Variants in GABRP observed in about 807,000 individuals in gnomAD.
GABRP encodes gamma-aminobutyric acid receptor subunit pi.
In GABRP, 52 loss-of-function variants were observed where a neutral mutation model predicts 47.8. The ratio of observed to expected loss-of-function variants is 1.09; its 90% CI spans 0.87 to 1.37. The LOEUF (loss-of-function observed/expected upper bound fraction) is 1.37, where lower values mean the gene tolerates loss of function less well. GABRP is among the 40% of genes most tolerant of loss of function. The pLI, the probability that GABRP is intolerant of heterozygous loss-of-function variation, is 0.00. For missense variants in GABRP, 525 were observed against 542.8 expected (o/e 0.97, Z 0.33); for synonymous variants, 221 against 205.8 (o/e 1.07, Z -0.63).
intron 3 of GABRP, among the ~76,000 whole-genome samples, chr5:170,791,113 C>T (rs771467671): frequency 4.6e-5 from 7 of 152,208 alleles, no homozygotes; most frequent in South Asian, 2.1e-4. Flanking sequence ...AGTCAGAATA[C>T]ACTCCTTCTT....
At chr5:170,790,665 T>C (rs1203914960) in intron 3 of GABRP, among the ~76,000 whole-genome samples, 1 of 151,990 alleles carries the variant, frequency 6.6e-6, no homozygotes, top group African/African-American at 2.4e-5. Flanking sequence ...TGGAAGCATC[T>C]TAGATGGAAG....
At chr5:170,797,423 A>G (rs370732289) in intron 5 of GABRP, 43 bp from the exon 6 acceptor site, 319 of 1,241,770 alleles carry the variant, frequency 2.6e-4, no homozygotes, top group Non-Finnish European at 2.9e-4. Context: ...ACTTTCTATA[A>G]CTTCCTCACA....
intron 8 of GABRP, 144 bp downstream of exon 8, chr5:170,808,896 G>A (rs1182634153): frequency 1.4e-6 from 1 of 711,554 alleles, no homozygotes; most frequent in African/African-American, 1.8e-5. Flanking sequence ...GAAAGAAAGA[G>A]AGAGACAGAA....
chr5:170,809,675 T>A lies in GABRP; in HGVS notation c.940T>A (p.Phe314Ile). Residue 314 changes from phenylalanine to isoleucine, a missense_variant, in exon 9 of 10, where the codon TTT becomes ATT. Transcript: ENST00000265294. ...KAIDVYLGIC[F>I]SFVFGALLEY... Reference sequence around the variant, plus strand: ...CATCGATGTGTACCTGGGGATCTGCTTTAGCTTTGTGTTTGGGGCCTTGCT... The same window carrying A: ...CATCGATGTGTACCTGGGGATCTGCATTAGCTTTGTGTTTGGGGCCTTGCT... 6.2e-7 allele frequency: 1 copy of A among 1,613,972 alleles called. No homozygotes were observed. The highest frequency in any genetic ancestry group is 8.5e-7 in the Non-Finnish European group (1 of 1,179,912).
chr5:170,809,051 C>T (rs547480072), intron 8 of GABRP, among the ~76,000 whole-genome samples: 35 of 152,234 alleles, frequency 2.3e-4, no homozygotes, highest in Non-Finnish European at 3.8e-4. Context: ...ACTCTCCTGC[C>T]TTATCATCCC....
chr5:170,804,978 T>C (rs568762692), intron 6 of GABRP, among the ~76,000 whole-genome samples: 18 of 63,012 alleles, frequency 2.9e-4, no homozygotes, highest in African/African-American at 6.7e-4. Flanking sequence ...TTATATATTA[T>C]ATATTATATT....
chr5:170,810,882 G>T (rs2127267721), intron 9 of GABRP, among the ~76,000 whole-genome samples: 1 of 151,854 alleles, frequency 6.6e-6, no homozygotes, highest in Non-Finnish European at 1.5e-5. Context: ...TATTTATTTT[G>T]CTCCCTTAGG....
chr5:170,803,226 C>G (rs1268467606), intron 6 of GABRP, among the ~76,000 whole-genome samples: 1 of 152,274 alleles, frequency 6.6e-6, no homozygotes, highest in South Asian at 2.1e-4. Flanking sequence ...GCGAGATAAC[C>G]CTTGCTAGAC....
intron 9 of GABRP, chr5:170,810,150 T>C (rs2127267251): frequency 6.4e-6 from 3 of 467,814 alleles, no homozygotes; most frequent in Non-Finnish European, 1.1e-5. Context: ...ATTATACAAG[T>C]AATGCTTTAC....
chr5:170,793,171 C>T (rs539786987), intron 3 of GABRP, among the ~76,000 whole-genome samples: 4 of 152,326 alleles, frequency 2.6e-5, no homozygotes, highest in African/African-American at 7.2e-5. Context: ...CGTCTAATCT[C>T]ATTTAGCCCT....
Position 170,808,692 on chromosome 5 carries a change from G to T in GABRP, c.772G>T (p.Val258Leu), listed in dbSNP as rs1409826344. The change falls in exon 8 of 10, where the codon GTG (valine) becomes TTG (leucine). Residue 258 changes from valine (V) to leucine (L), a missense_variant. Physicochemically the swap from Val to Leu is conservative, Grantham distance 32 (BLOSUM62 1). Transcript: ENST00000265294. ...ETYVPSTFLV[V>L]LSWVSFWISL... is the part of the protein sequence containing the mutation. Reference sequence around the variant, plus strand: ...CTACGTTCCTTCCACTTTCCTGGTGGTGTTGTCCTGGGTTTCATTTTGGAT... The same window carrying T: ...CTACGTTCCTTCCACTTTCCTGGTGTTGTTGTCCTGGGTTTCATTTTGGAT... 1 of 1,614,126 alleles carries T rather than the reference G, an allele frequency of 6.2e-7. No homozygotes were observed. Among genetic ancestry groups the T allele is most frequent in the Non-Finnish European group, 8.5e-7 (1 of 1,179,994 alleles).
intron 3 of GABRP, among the ~76,000 whole-genome samples, chr5:170,790,400 AGT>A (rs1765234210): frequency 6.6e-6 from 1 of 151,952 alleles, no homozygotes; most frequent in Admixed American, 6.6e-5. Flanking sequence ...CCATCAACAG[AGT>A]GTGGGTTATT....
In GABRP at chr5:170,795,401, A is replaced by G; in HGVS notation, c.434A>G (p.Asn145Ser). The change falls in exon 5 of 10, where the codon AAT becomes AGT. Residue 145 changes from asparagine (N) to serine (S), a missense_variant. Asn to Ser is a conservative substitution (Grantham distance 46). Coordinates refer to ENST00000265294, the MANE Select transcript of GABRP (RefSeq NM_014211.3). Reference sequence around the variant, plus strand: ...AACAGGCTCATCCGCCTCTTCTCCAATGGCACGGTCCTGTATGCCCTCAGG... The same window carrying G: ...AACAGGCTCATCCGCCTCTTCTCCAGTGGCACGGTCCTGTATGCCCTCAGG... ...VGNRLIRLFS[N>S]GTVLYALRIT... is the part of the protein sequence containing the mutation. 5 of 1,614,058 alleles carry G rather than the reference A, an allele frequency of 3.1e-6. No homozygotes were observed. Among genetic ancestry groups the G allele is most frequent in the Non-Finnish European group, 4.2e-6 (5 of 1,179,974 alleles).
At position 170,809,816 on chromosome 5, in the gene GABRP, C is replaced by A. The variant is rs1765836363; in HGVS notation, c.1020+61C>A. ...CTGGTGCCGTGTGCTGATCTGTAGA[C>A]ATGGGCTGGACCTGGCTTCTATCCC... On this transcript the variant is annotated intron_variant, in intron 9 of 9. Coordinates refer to ENST00000265294, the MANE Select transcript of GABRP (RefSeq NM_014211.3). The A allele has an allele frequency of 3.3e-6, 5 of 1,501,916 alleles. 1 individual carries two copies. Among genetic ancestry groups the A allele is most frequent in the Non-Finnish European group, 1.8e-6 (2 of 1,103,586 alleles). The allele number at this position is 1,501,916 out of a possible 1,614,324, so 93.0% of individuals were successfully genotyped here.
chr5:170,797,439 G>T (rs1028749302), intron 5 of GABRP, 27 bp from the exon 6 acceptor site: 1 of 1,458,762 alleles, frequency 6.9e-7, no homozygotes, highest in African/African-American at 1.4e-5. Flanking sequence ...TCACAATACT[G>T]TTTTTGAACC....
chr5:170,788,788 C>T, intron 2 of GABRP, 120 bp downstream of exon 2: 1 of 878,958 alleles, frequency 1.1e-6, no homozygotes, highest in South Asian at 1.4e-5. Flanking sequence ...CCACTCACTT[C>T]CCTGGAGCAC....
chr5:170,791,633 T>A (rs949733003), intron 3 of GABRP, among the ~76,000 whole-genome samples: 1 of 150,864 alleles, frequency 6.6e-6, no homozygotes, highest in Non-Finnish European at 1.5e-5. Context: ...AAAGCCTAGA[T>A]TAGACGGTGT....
At chr5:170,786,918 AC>A (rs1412430793) in intron 1 of GABRP, among the ~76,000 whole-genome samples, 1 of 152,200 alleles carries the variant, frequency 6.6e-6, no homozygotes, top group African/African-American at 2.4e-5. Context: ...TGTGGATAAA[AC>A]AACTGTTATC....
chr5:170,801,160 G>C (rs896136503), intron 6 of GABRP, among the ~76,000 whole-genome samples: 2 of 152,122 alleles, frequency 1.3e-5, no homozygotes, highest in Non-Finnish European at 2.9e-5. Context: ...GTAGCCGCAC[G>C]GGGACTTCAA....
Sources: gnomAD v4.1 joint callset for allele counts (sites outside exome capture counted in the v4.1 genomes callset) on GRCh38, gnomAD v4.1.1 for gene constraint, MANE v1.5 for transcripts, NCBI Gene and HGNC (gene_info 2026-07-23, HGNC 2026-07-21) for gene names.